The following NDST3 variants were observed in gnomAD, a reference collection of about 807,000 sequenced individuals.
NDST3 encodes the protein N-deacetylase and N-sulfotransferase 3.
Under a neutral mutation model 96.1 loss-of-function variants are expected in NDST3, and 58 were observed. That is an observed-to-expected ratio of 0.60 (90% confidence interval 0.49 to 0.75). The LOEUF (loss-of-function observed/expected upper bound fraction) is 0.75, where lower values mean the gene tolerates loss of function less well. NDST3 is among the 30% of genes least tolerant of loss of function. The pLI is 0.00. For missense variants in NDST3, 788 were observed against 1,034.2 expected (o/e 0.76, Z 3.27); for synonymous variants, 333 against 359.7 (o/e 0.93, Z 0.84).
intron 6 of NDST3, among the ~76,000 whole-genome samples, chr4:118,199,476 A>G (rs1428342674): frequency 6.6e-6 from 1 of 152,030 alleles, no homozygotes; most frequent in Non-Finnish European, 1.5e-5. Context: ...TGTTATCTTG[A>G]ATTTCTTTGG....
chr4:118,248,225 C>T (rs1741444360), intron 12 of NDST3, among the ~76,000 whole-genome samples: 1 of 152,070 alleles, frequency 6.6e-6, no homozygotes, highest in African/African-American at 2.4e-5. Flanking sequence ...GTGGCGCACA[C>T]CTGTAACCCC....
chr4:118,191,612 T>C (rs1578791543), intron 6 of NDST3, among the ~76,000 whole-genome samples: 2 of 152,268 alleles, frequency 1.3e-5, no homozygotes, highest in Middle Eastern at 3.4e-3. Flanking sequence ...AGTAGGTGTA[T>C]ATGGGGTACA....
At chr4:118,042,502 C>T (rs1255457063) in intron 1 of NDST3, among the ~76,000 whole-genome samples, 1 of 152,184 alleles carries the variant, frequency 6.6e-6, no homozygotes, top group Non-Finnish European at 1.5e-5. Context: ...GTCACTACTA[C>T]ACTAATCATC....
intron 2 of NDST3, among the ~76,000 whole-genome samples, chr4:118,081,888 T>C (rs1392905253): frequency 1.3e-5 from 2 of 152,190 alleles, no homozygotes; most frequent in Non-Finnish European, 2.9e-5. Context: ...TCCTGCAGCA[T>C]TGAGCCTCAG....
chr4:118,252,293 T>G (rs553515208), intron 12 of NDST3, among the ~76,000 whole-genome samples: 1 of 152,278 alleles, frequency 6.6e-6, no homozygotes, highest in South Asian at 2.1e-4. Flanking sequence ...GAAAAGGCCC[T>G]AAACCGAAAA....
intron 2 of NDST3, chr4:118,055,179 A>G (rs1261656552): frequency 1.1e-5 from 4 of 378,340 alleles, no homozygotes; most frequent in Non-Finnish European, 1.9e-5. Flanking sequence ...ATTACTTTCC[A>G]GAAACTATCT....
chr4:118,084,506 G>A (rs1158985403), intron 2 of NDST3, among the ~76,000 whole-genome samples: 1 of 152,098 alleles, frequency 6.6e-6, no homozygotes, highest in Non-Finnish European at 1.5e-5. Flanking sequence ...CTAGTTTAGT[G>A]TTTCTGAAAT....
chr4:118,177,394 G>C (rs1736343023), intron 6 of NDST3, among the ~76,000 whole-genome samples: 1 of 152,020 alleles, frequency 6.6e-6, no homozygotes, highest in African/African-American at 2.4e-5. Flanking sequence ...AAATGCAAAA[G>C]CATCCTTCTA....
chr4:118,058,128 G>A (rs1725583128), intron 2 of NDST3, among the ~76,000 whole-genome samples: 1 of 151,406 alleles, frequency 6.6e-6, no homozygotes, highest in South Asian at 2.1e-4. Flanking sequence ...TTGAAGTATT[G>A]GGAAAATTTA....
intron 6 of NDST3, among the ~76,000 whole-genome samples, chr4:118,189,875 C>T (rs1431103474): frequency 6.6e-6 from 1 of 152,094 alleles, no homozygotes; most frequent in Non-Finnish European, 1.5e-5. Context: ...AAACTTATAA[C>T]TAAATCTATG....
chr4:118,254,442 A>G (rs1741983434), intron 13 of NDST3, among the ~76,000 whole-genome samples: 1 of 152,162 alleles, frequency 6.6e-6, no homozygotes, highest in African/African-American at 2.4e-5. Flanking sequence ...TGGGGAATGT[A>G]GACACACACT....
chr4:118,248,132 C>G (rs1192248802), intron 12 of NDST3, among the ~76,000 whole-genome samples: 1 of 152,124 alleles, frequency 6.6e-6, no homozygotes, highest in Admixed American at 6.5e-5. Flanking sequence ...GGGTGGATCA[C>G]CTGAGGTCAG....
In NDST3 at chr4:118,224,398, A is replaced by T. The variant is rs73843408; in HGVS notation, c.1540-93A>T. On this transcript the variant is annotated intron_variant, in intron 6 of 13. Coordinates refer to ENST00000296499, the MANE Select transcript of NDST3 (RefSeq NM_004784.3). ...CATCAACTGAAACCCTGTGCAGACT[A>T]CTTAAGGAAAAAAACTAGCATGGCT... 1.1e-3 allele frequency: 1,300 copies of T among 1,168,498 alleles called. 10 individuals carry two copies. The African/African-American group carries it at 0.017, about 15-fold the overall frequency. The allele number at this position is 1,168,498 out of a possible 1,614,324, so 72.4% of individuals were successfully genotyped here.
In NDST3 at chr4:118,247,283, G is replaced by A. The variant is rs1741379337; in HGVS notation, c.2399+5134G>A. Among the ~76,000 whole-genome samples, 4 of 152,042 alleles carry A rather than the reference G, an allele frequency of 2.6e-5. 1 individual carries two copies. The South Asian group carries it at 8.3e-4, about 32-fold the overall frequency. ...AAGGTTTATCTGGGCCGGGCATGGT[G>A]ACTCATTGCTGTAATCCCAGCACTT... On this transcript the variant is annotated intron_variant, in intron 12 of 13. Transcript: ENST00000296499.
chr4:118,204,167 C>T (rs1220598443), intron 6 of NDST3, among the ~76,000 whole-genome samples: 1 of 152,088 alleles, frequency 6.6e-6, no homozygotes, highest in Non-Finnish European at 1.5e-5. Flanking sequence ...TACCATCATC[C>T]CCAGTTGCTG....
At chr4:118,036,620 T>C (rs1201793612) in intron 1 of NDST3, among the ~76,000 whole-genome samples, 1 of 152,222 alleles carries the variant, frequency 6.6e-6, no homozygotes, top group Non-Finnish European at 1.5e-5. Context: ...AACTATTTCA[T>C]GACTGAAGTT....
chr4:118,124,223 A>T (rs1046672503), intron 4 of NDST3, among the ~76,000 whole-genome samples: 10 of 152,150 alleles, frequency 6.6e-5, no homozygotes, highest in Middle Eastern at 3.2e-3. Flanking sequence ...GACATGATTG[A>T]TAATGACAAT....
chr4:118,103,031 A>C (rs1383257419), intron 2 of NDST3, among the ~76,000 whole-genome samples: 1 of 152,160 alleles, frequency 6.6e-6, no homozygotes, highest in Non-Finnish European at 1.5e-5. Flanking sequence ...AGTTCGCAGG[A>C]ACTTTATTTA....
chr4:118,138,605 G>C (rs1733317536), intron 5 of NDST3, among the ~76,000 whole-genome samples: 1 of 152,054 alleles, frequency 6.6e-6, no homozygotes, highest in Admixed American at 6.5e-5. Flanking sequence ...GCTGCTCTTT[G>C]ACAAGCCAGT....
Sources: allele counts gnomAD v4.1 joint callset (sites outside exome capture counted in the v4.1 genomes callset), GRCh38; gene constraint gnomAD v4.1.1; transcripts MANE v1.5; gene names NCBI Gene and HGNC (gene_info 2026-07-23, HGNC 2026-07-21).